Variants in TENM3 observed in about 807,000 individuals in gnomAD.
TENM3 encodes teneurin transmembrane protein 3, also known as teneurin-3.
In TENM3, 63 loss-of-function variants were observed where a neutral mutation model predicts 255.1. The ratio of observed to expected loss-of-function variants is 0.25; its 90% CI spans 0.20 to 0.30. The LOEUF (loss-of-function observed/expected upper bound fraction) is 0.30. Among genes scored for constraint, TENM3 ranks in the 10% least tolerant of loss-of-function variants. The pLI is 1.00. For synonymous variants in TENM3, 1,306 were observed against 1,322.3 expected, an observed-to-expected ratio of 0.99 and a Z score of 0.27; for missense variants, 2,929 against 3,461.1, an observed-to-expected ratio of 0.85 and a Z score of 3.86.
chr4:182,207,231 G>A (rs2149864561), intron 1 of TENM3, among the ~76,000 whole-genome samples: 1 of 152,244 alleles, frequency 6.6e-6, no homozygotes, highest in East Asian at 1.9e-4. Flanking sequence ...CTTTGACCCG[G>A]CAACAATAAA....
chr4:181,863,276 A>T, the TENM3 span, among the ~76,000 whole-genome samples: 1 of 152,182 alleles, frequency 6.6e-6, no homozygotes, highest in Admixed American at 6.6e-5. Flanking sequence ...TCTTCAAAGA[A>T]CTGTAAGCAA....
the TENM3 span, among the ~76,000 whole-genome samples, chr4:181,771,594 C>T: frequency 1.3e-5 from 2 of 152,228 alleles, no homozygotes; most frequent in African/African-American, 2.4e-5. Context: ...GGCAGACAAA[C>T]TGCATCTCTG....
chr4:181,859,491 A>C, the TENM3 span, among the ~76,000 whole-genome samples: 2,795 of 152,290 alleles, frequency 0.018, 66 homozygotes, highest in African/African-American at 0.051. Flanking sequence ...TTTGCTAAGG[A>C]AATGTTTATT....
the TENM3 span, among the ~76,000 whole-genome samples, chr4:181,728,219 A>ATAG: frequency 6.6e-6 from 1 of 152,178 alleles, no homozygotes; most frequent in East Asian, 1.9e-4. Context: ...CAAATCATTA[A>ATAG]TAGTAGTAGT....
At chr4:181,841,436 A>G in the TENM3 span, among the ~76,000 whole-genome samples, 1 of 151,748 alleles carries the variant, frequency 6.6e-6, no homozygotes, top group East Asian at 1.9e-4. Context: ...AGAATCTCTC[A>G]TAGTAATGCC....
chr4:181,570,926 G>A, the TENM3 span, among the ~76,000 whole-genome samples: 14 of 152,236 alleles, frequency 9.2e-5, no homozygotes, highest in African/African-American at 3.4e-4. Context: ...AGCACTGGCA[G>A]TGGGGAAGAA....
At chr4:181,792,572 A>T in the TENM3 span, among the ~76,000 whole-genome samples, 1 of 152,124 alleles carries the variant, frequency 6.6e-6, no homozygotes, top group African/African-American at 2.4e-5. Context: ...TTGCTAATGG[A>T]TTTCTGTATT....
At chr4:181,824,590 A>G in the TENM3 span, among the ~76,000 whole-genome samples, 1 of 152,182 alleles carries the variant, frequency 6.6e-6, no homozygotes, top group Non-Finnish European at 1.5e-5. Flanking sequence ...ATTTTATATG[A>G]CATGAAGGGG....
chr4:181,997,920 CTGCTT>C, the TENM3 span, among the ~76,000 whole-genome samples: 15 of 152,176 alleles, frequency 9.9e-5, no homozygotes, highest in African/African-American at 3.6e-4. Context: ...TTTATTTACT[CTGCTT>C]TGTCTTTTAA....
the TENM3 span, among the ~76,000 whole-genome samples, chr4:181,806,873 C>A: frequency 6.6e-6 from 1 of 152,228 alleles, no homozygotes; most frequent in East Asian, 1.9e-4. Context: ...AGGGATGGAT[C>A]ATATTTGTAA....
the TENM3 span, among the ~76,000 whole-genome samples, chr4:181,496,847 A>G: frequency 6.6e-6 from 1 of 152,288 alleles, no homozygotes; most frequent in Non-Finnish European, 1.5e-5. Context: ...ACCCTTTTAT[A>G]TTAATTGTAT....
the TENM3 span, among the ~76,000 whole-genome samples, chr4:181,737,541 G>C: frequency 6.6e-6 from 1 of 151,898 alleles, no homozygotes; most frequent in East Asian, 1.9e-4. Context: ...TCTTCAGGGG[G>C]AAAAAAACGC....
At chr4:182,740,655 A>G (rs1042258268) in intron 18 of TENM3, among the ~76,000 whole-genome samples, 2 of 152,196 alleles carry the variant, frequency 1.3e-5, no homozygotes, top group African/African-American at 4.8e-5. Context: ...GCATCTCTGT[A>G]GCTCCGAAAA....
At chr4:181,671,056 GAAAATGATCTACCAAC>G in the TENM3 span, among the ~76,000 whole-genome samples, 2 of 152,058 alleles carry the variant, frequency 1.3e-5, no homozygotes, top group Non-Finnish European at 2.9e-5. Flanking sequence ...ATAATTTATA[GAAAATGATCTACCAAC>G]ATGGATAGGT....
chr4:182,450,440 C>T (rs1252924975), intron 3 of TENM3, among the ~76,000 whole-genome samples: 1 of 151,822 alleles, frequency 6.6e-6, no homozygotes, highest in African/African-American at 2.4e-5. Flanking sequence ...TATTAAAATG[C>T]GACTGCAGCG....
At chr4:181,511,132 T>A in the TENM3 span, among the ~76,000 whole-genome samples, 1 of 152,150 alleles carries the variant, frequency 6.6e-6, no homozygotes, top group East Asian at 1.9e-4. Context: ...AAGCCCTCAT[T>A]CTAGAATCGA....
the TENM3 span, among the ~76,000 whole-genome samples, chr4:181,728,792 T>A: frequency 6.6e-6 from 1 of 152,188 alleles, no homozygotes; most frequent in South Asian, 2.1e-4. Flanking sequence ...GCCCAGCAGG[T>A]CTCAGCTTTC....
the TENM3 span, among the ~76,000 whole-genome samples, chr4:181,529,179 T>C: frequency 4.6e-5 from 7 of 152,206 alleles, no homozygotes; most frequent in Non-Finnish European, 1.0e-4. Flanking sequence ...CTTCCAGCTG[T>C]TAGTGCAGTG....
chr4:181,888,511 T>C, the TENM3 span, among the ~76,000 whole-genome samples: 5 of 23,968 alleles, frequency 2.1e-4, no homozygotes, highest in African/African-American at 9.4e-4. Flanking sequence ...TATATATATA[T>C]ATATGTATAT....
Sources: gnomAD v4.1 joint callset for allele counts (sites outside exome capture counted in the v4.1 genomes callset) on GRCh38, gnomAD v4.1.1 for gene constraint, MANE v1.5 for transcripts, NCBI Gene and HGNC (gene_info 2026-07-23, HGNC 2026-07-21) for gene names.